CDCP1: variants seen among roughly 807,000 people sequenced by gnomAD.
CDCP1 encodes the protein CUB domain-containing protein 1.
In CDCP1, 29 loss-of-function variants were observed where a neutral mutation model predicts 60.2. The observed-to-expected ratio is 0.48, with a 90% confidence interval of 0.36 to 0.66. The LOEUF (loss-of-function observed/expected upper bound fraction) is 0.66. Ranked by LOEUF, CDCP1 falls within the 30% of genes least tolerant of loss-of-function variation. CDCP1 has a pLI of 0.00. For missense variants in CDCP1, 876 were observed against 1,074.3 expected (o/e 0.82, Z 2.58); for synonymous variants, 387 against 431.1 (o/e 0.90, Z 1.27).
At chr3:45,087,045 C>T (rs1698206588) in intron 8 of CDCP1, among the ~76,000 whole-genome samples, 1 of 152,206 alleles carries the variant, frequency 6.6e-6, no homozygotes, top group East Asian at 1.9e-4. Context: ...AAGGCTCCTG[C>T]CTGAAGCCCT....
rs2125987764 is a variant in CDCP1, at chr3:45,085,695, G to C, written c.2454C>G (p.Ser818Arg). 13 of 1,614,168 alleles carry C rather than the reference G, an allele frequency of 8.1e-6. No individual in the cohort carries two copies. The highest frequency in any genetic ancestry group is 1.1e-5 in the Non-Finnish European group (13 of 1,180,020). The change falls in exon 9 of 9, where the codon AGC becomes AGG. Residue 818 changes from serine (S) to arginine (R), a missense_variant. Physicochemically the swap from Ser to Arg is moderately radical, Grantham distance 110. Transcript: ENST00000296129. This position sits in a 1 kb window ranked among gnomAD's most constrained non-coding sequence, Gnocchi z 4.2. ...FSHPNNGDVS[S>R]KDTDIPLLNT... Reference sequence around the variant, plus strand: ...TCAGTAAGGGAATGTCTGTGTCCTTGCTGCTTACATCCCCATTGTTGGGAT... The same window carrying C: ...TCAGTAAGGGAATGTCTGTGTCCTTCCTGCTTACATCCCCATTGTTGGGAT...
intron 8 of CDCP1, among the ~76,000 whole-genome samples, chr3:45,088,852 T>C (rs1698243366): frequency 6.6e-6 from 1 of 151,898 alleles, no homozygotes; most frequent in African/African-American, 2.4e-5. Context: ...ATGTCACGTG[T>C]GTTTTATCCC....
In CDCP1 at chr3:45,118,585, A is replaced by G. The variant is rs1377781588; in HGVS notation, c.119T>C (p.Ile40Thr). 1.2e-6 allele frequency: 2 copies of G among 1,614,042 alleles called. No individual in the cohort carries two copies. The highest frequency in any genetic ancestry group is 1.3e-5 in the African/African-American group (1 of 75,060). ...GGTCCCCAGCTTTATGAGAACTGTA[A>G]TGTTGCTTTCTCGTGGCAGAGCAAT... ...FEIALPRESN[I>T]TVLIKLGTPT... is the part of the protein sequence containing the mutation. The change falls in exon 2 of 9, where the codon ATT becomes ACT. Residue 40 changes from isoleucine (I) to threonine (T), a missense_variant. Around this residue, in one of 2 missense-constraint regions of CDCP1, gnomAD observed 150 missense variants for 138.6 expected, o/e 1.08. Coordinates refer to ENST00000296129, the MANE Select transcript of CDCP1 (RefSeq NM_022842.5).
At chr3:45,112,883 G>A (rs892541109) in intron 2 of CDCP1, among the ~76,000 whole-genome samples, 2 of 152,208 alleles carry the variant, frequency 1.3e-5, no homozygotes, top group Non-Finnish European at 2.9e-5. Context: ...ATTCAGCTAC[G>A]TGCCCTGCTC....
rs778770674 is a variant in CDCP1 at position 45,091,140 on chromosome 3, A to G, written c.1993+33T>C. ...TCCTCCAGCTGACAATTTTTTGTTC[A>G]TCACTGTCCCCAAAGACCCTGAAGG... On this transcript the variant is annotated intron_variant, in intron 7 of 8. Transcript: ENST00000296129. The surrounding 1 kb of genome is among the most constrained non-coding windows in gnomAD (Gnocchi z 4.8). 5.7e-6 allele frequency: 9 copies of G among 1,578,636 alleles called. No individual in the cohort carries two copies. The highest frequency in any genetic ancestry group is 1.8e-5 in the Admixed American group (1 of 56,242).
intron 1 of CDCP1, among the ~76,000 whole-genome samples, chr3:45,119,810 T>C (rs1340739861): frequency 1.3e-5 from 2 of 152,224 alleles, no homozygotes; most frequent in Non-Finnish European, 2.9e-5. Context: ...AATCAGGATA[T>C]ACAAATATTT....
intron 8 of CDCP1, among the ~76,000 whole-genome samples, chr3:45,087,357 AG>A (rs1698213452): frequency 6.6e-6 from 1 of 152,212 alleles, no homozygotes; most frequent in Admixed American, 6.5e-5. Flanking sequence ...CAAGGCCTGT[AG>A]CAAGGCTGGA....
intron 4 of CDCP1, chr3:45,110,130 A>G (rs1698661957): frequency 1.4e-5 from 14 of 997,688 alleles, no homozygotes; most frequent in Non-Finnish European, 1.8e-5. Flanking sequence ...GTAAGTTCCC[A>G]TCATCATCGC....
chr3:45,134,284 C>T (rs995911865), intron 1 of CDCP1, among the ~76,000 whole-genome samples: 1 of 152,200 alleles, frequency 6.6e-6, no homozygotes, highest in African/African-American at 2.4e-5. Flanking sequence ...GCCACCACAC[C>T]CAGCTAATTT....
chr3:45,123,933 C>T (rs1397003262), intron 1 of CDCP1, among the ~76,000 whole-genome samples: 2 of 152,096 alleles, frequency 1.3e-5, no homozygotes, highest in Non-Finnish European at 2.9e-5. Flanking sequence ...GGCTCCTGGG[C>T]TTAGGGCATT....
intron 1 of CDCP1, among the ~76,000 whole-genome samples, chr3:45,131,882 C>T (rs1699101576): frequency 6.6e-6 from 1 of 152,204 alleles, no homozygotes; most frequent in African/African-American, 2.4e-5. Context: ...ATAAGGGACA[C>T]TGCTGCGGGC....
In CDCP1 at chr3:45,084,604, G is replaced by A. The variant is rs1172895472; in HGVS notation, c.*1034C>T. The A allele has an allele frequency of 6.6e-6, 1 of 152,408 alleles. No homozygotes were observed. The highest frequency in any genetic ancestry group is 1.9e-4 in the East Asian group (1 of 5,190). 9.4% of individuals were successfully genotyped at this position (152,408 alleles called of 1,614,324 possible). The stretch of plus-strand genomic sequence containing the variant: ...ATGGCAAGGAACCGGCTTCTCCCTA[G>A]AGCCTTCAGAAGGAGCACAGCTCTG... On this transcript the variant is annotated 3_prime_UTR_variant, in exon 9 of 9. Transcript: ENST00000296129.
intron 1 of CDCP1, among the ~76,000 whole-genome samples, chr3:45,134,414 G>A (rs528310120): frequency 9.2e-4 from 140 of 152,300 alleles, no homozygotes; most frequent in Non-Finnish European, 1.3e-3. Flanking sequence ...GCGGGCCACC[G>A]CGCCCGGCCC....
intron 1 of CDCP1, among the ~76,000 whole-genome samples, chr3:45,130,974 C>T (rs148811967): frequency 6.6e-6 from 1 of 152,120 alleles, no homozygotes; most frequent in South Asian, 2.1e-4. Flanking sequence ...TCACGCAATC[C>T]GCCCACCTCA....
intron 4 of CDCP1, among the ~76,000 whole-genome samples, chr3:45,098,301 C>T (rs1028479264): frequency 6.6e-5 from 10 of 152,072 alleles, no homozygotes; most frequent in African/African-American, 1.7e-4. Flanking sequence ...CAGGTTCAAG[C>T]GATTCTCCTG....
At chr3:45,120,680 T>C (rs1021095334) in intron 1 of CDCP1, among the ~76,000 whole-genome samples, 1 of 152,244 alleles carries the variant, frequency 6.6e-6, no homozygotes, top group Non-Finnish European at 1.5e-5. Context: ...CTTGTCTTTC[T>C]GGCTTCTGCG....
chr3:45,110,555 T>C lies in CDCP1; in HGVS notation c.942A>G (p.Gln314=). Residue 314 remains glutamine, a synonymous_variant, in exon 4 of 9, where the codon CAA becomes CAG. Transcript: ENST00000296129. ...NMAGNFNLSL[Q]GCDQDAQSPG... Reference sequence around the variant, plus strand: ...GACTTTGGGCATCTTGGTCACAGCCTTGCAGAGAGAGGTTGAAGTTCCCCG... The same window carrying C: ...GACTTTGGGCATCTTGGTCACAGCCCTGCAGAGAGAGGTTGAAGTTCCCCG... The C allele has an allele frequency of 6.2e-7, 1 of 1,614,226 alleles. No homozygotes were observed. Among genetic ancestry groups the C allele is most frequent in the Non-Finnish European group, 8.5e-7 (1 of 1,180,024 alleles).
chr3:45,145,325 C>G (rs1054192313), intron 1 of CDCP1, among the ~76,000 whole-genome samples: 1 of 152,288 alleles, frequency 6.6e-6, no homozygotes, highest in Non-Finnish European at 1.5e-5. Flanking sequence ...ACTAATCTCG[C>G]GAAACCTGTA....
chr3:45,140,973 G>C (rs1336204124), intron 1 of CDCP1, among the ~76,000 whole-genome samples: 1 of 152,180 alleles, frequency 6.6e-6, no homozygotes, highest in Non-Finnish European at 1.5e-5. Flanking sequence ...GAGCGAGGTG[G>C]GTGGATTGCT....
Sources: allele counts gnomAD v4.1 joint callset (sites outside exome capture counted in the v4.1 genomes callset), GRCh38; gene constraint gnomAD v4.1.1; regional missense constraint gnomAD v4.1.1; non-coding constraint Gnocchi (gnomAD v3.1); transcripts MANE v1.5; gene names NCBI Gene and HGNC (gene_info 2026-07-23, HGNC 2026-07-21).